Variants in PPME1 observed in about 807,000 individuals in gnomAD.
PPME1 encodes protein phosphatase methylesterase 1, also known as testicular secretory protein Li 39.
Under a neutral mutation model 56.9 loss-of-function variants are expected in PPME1, and 17 were observed. The ratio of observed to expected loss-of-function variants is 0.30; its 90% confidence interval spans 0.20 to 0.45. The LOEUF is 0.45. PPME1 is among the 20% of genes least tolerant of loss of function. PPME1 has a pLI of 1.00. For synonymous variants in PPME1, 122 were observed against 156.2 expected, an observed-to-expected ratio of 0.78 and a Z score of 1.63; for missense variants, 357 against 483.2, an observed-to-expected ratio of 0.74 and a Z score of 2.45.
chr11:74,241,670 G>T (rs1289232436), intron 9 of PPME1, among the ~76,000 whole-genome samples: 1 of 152,074 alleles, frequency 6.6e-6, no homozygotes, highest in East Asian at 1.9e-4. Context: ...CTCTCTTTTT[G>T]ATTATAGCCA....
chr11:74,227,041 T>C (rs1858949340), intron 5 of PPME1, among the ~76,000 whole-genome samples: 2 of 152,104 alleles, frequency 1.3e-5, no homozygotes. Flanking sequence ...TTCTGCCCTC[T>C]AGGGTATAGG....
chr11:74,248,143 C>T (rs1859555388), intron 11 of PPME1: 1 of 152,400 alleles, frequency 6.6e-6, no homozygotes, highest in Admixed American at 6.5e-5. Flanking sequence ...TTTGTGGGGG[C>T]TCTTGCTTTA....
At position 74,203,642 on chromosome 11, in the gene PPME1, C is replaced by T. The variant is rs945440489; in HGVS notation, c.102-86C>T. On this transcript the variant is annotated intron_variant, in intron 1 of 13. Transcript: ENST00000328257. Reference sequence around the variant, plus strand: ...GAAAATACCTTTGCTGTTTTCATTACTGACTTACATTTAGCATTTATTGAC... The same window carrying T: ...GAAAATACCTTTGCTGTTTTCATTATTGACTTACATTTAGCATTTATTGAC... 16 of 916,370 alleles carry T rather than the reference C, an allele frequency of 1.7e-5. No homozygotes were observed. In the East Asian group the frequency reaches 4.0e-4, roughly 23 times the overall value. 56.8% of individuals were successfully genotyped at this position (916,370 alleles called of 1,614,324 possible). A position where few individuals can be genotyped will look rare whatever the true frequency, so the allele number is the denominator to read the frequency against.
rs887759096 is a variant in PPME1 at position 74,218,384 on chromosome 11, C to A, written c.289-3928C>A. Among the ~76,000 whole-genome samples the A allele has an allele frequency of 1.3e-4, 20 of 151,944 alleles. No individual in the cohort carries two copies. In the South Asian group the frequency reaches 1.9e-3, roughly 14 times the overall value. On this transcript the variant is annotated intron_variant, in intron 3 of 13. Transcript: ENST00000328257. ...TATCAAAAATACCAATGATATTCTTCAAAAAAATGGAACAATTGTGAAATT... is the reference window on the plus strand; with the variant it reads ...TATCAAAAATACCAATGATATTCTTAAAAAAAATGGAACAATTGTGAAATT...
chr11:74,236,179 TC>T (rs1859186851), intron 8 of PPME1, among the ~76,000 whole-genome samples: 2 of 152,202 alleles, frequency 1.3e-5, no homozygotes, highest in South Asian at 4.1e-4. Context: ...TTCTTTTTTT[TC>T]CTCCTCATTT....
intron 1 of PPME1, among the ~76,000 whole-genome samples, chr11:74,202,955 A>G (rs944395466): frequency 6.6e-6 from 1 of 152,144 alleles, no homozygotes; most frequent in African/African-American, 2.4e-5. Context: ...TTCATCTTGG[A>G]GTTATATATA....
intron 1 of PPME1, among the ~76,000 whole-genome samples, chr11:74,173,988 A>G (rs759842070): frequency 6.6e-6 from 1 of 152,182 alleles, no homozygotes; most frequent in Non-Finnish European, 1.5e-5. Context: ...GTGGTCCTCA[A>G]ATGGCTTATT....
At chr11:74,233,285 G>C (rs1859114545) in intron 7 of PPME1, among the ~76,000 whole-genome samples, 1 of 152,130 alleles carries the variant, frequency 6.6e-6, no homozygotes, top group Admixed American at 6.5e-5. Flanking sequence ...TAAATGTTAA[G>C]ATGTTCTGGG....
chr11:74,198,040 ATTTAT>A (rs1387471805), intron 1 of PPME1, among the ~76,000 whole-genome samples: 1 of 152,150 alleles, frequency 6.6e-6, no homozygotes, highest in African/African-American at 2.4e-5. Context: ...GAAATTATTT[ATTTAT>A]TTTGTTAGGT....
chr11:74,210,078 G>A (rs1294082657), intron 3 of PPME1, among the ~76,000 whole-genome samples: 1 of 152,060 alleles, frequency 6.6e-6, no homozygotes, highest in Non-Finnish European at 1.5e-5. Context: ...ACATACATAC[G>A]TAAATATTCA....
chr11:74,181,367 C>T (rs1857532857), intron 1 of PPME1, among the ~76,000 whole-genome samples: 1 of 152,096 alleles, frequency 6.6e-6, no homozygotes, highest in Non-Finnish European at 1.5e-5. Context: ...AACTCCTATC[C>T]ATCTTTAAAA....
intron 9 of PPME1, 49 bp from the exon 10 acceptor site, chr11:74,246,027 C>T (rs556287082): frequency 2.6e-6 from 4 of 1,544,348 alleles, no homozygotes; most frequent in South Asian, 1.2e-5. Flanking sequence ...TAATCCTGTT[C>T]CTCCAGGGGT....
intron 1 of PPME1, among the ~76,000 whole-genome samples, chr11:74,187,844 A>G (rs1189940205): frequency 1.3e-5 from 2 of 152,342 alleles, no homozygotes; most frequent in East Asian, 3.9e-4. Flanking sequence ...TAAGGTTGCA[A>G]ATGGAATTAA....
At chr11:74,210,448 A>G (rs1858441919) in intron 3 of PPME1, among the ~76,000 whole-genome samples, 2 of 152,178 alleles carry the variant, frequency 1.3e-5, no homozygotes, top group African/African-American at 4.8e-5. Context: ...TGTTTTGGAT[A>G]TTTGGCCACT....
intron 3 of PPME1, among the ~76,000 whole-genome samples, chr11:74,210,545 A>G (rs553893077): frequency 1.3e-5 from 2 of 152,288 alleles, no homozygotes; most frequent in East Asian, 1.9e-4. Context: ...TCCTTCATGA[A>G]TGGCTTGGTG....
At chr11:74,172,569 T>C (rs187316452) in intron 1 of PPME1, among the ~76,000 whole-genome samples, 10 of 152,248 alleles carry the variant, frequency 6.6e-5, no homozygotes, top group African/African-American at 2.4e-4. Flanking sequence ...GAGATAGGTT[T>C]TGGAATTTTA....
chr11:74,239,073 TC>T (rs1218682309), intron 8 of PPME1, 59 bp from the exon 9 acceptor site: 16 of 1,503,306 alleles, frequency 1.1e-5, no homozygotes, highest in Non-Finnish European at 1.5e-5. Flanking sequence ...TATGAGTATC[TC>T]TGAGATAATT....
intron 3 of PPME1, among the ~76,000 whole-genome samples, chr11:74,221,928 A>G (rs1046368464): frequency 2.0e-5 from 3 of 152,302 alleles, no homozygotes; most frequent in Non-Finnish European, 2.9e-5. Context: ...GCCAAGATAT[A>G]AACTGACTCA....
Position 74,247,128 on chromosome 11 carries a change from GT to G in PPME1, c.1009+7del. 1 of 1,608,856 alleles carries G rather than the reference GT, an allele frequency of 6.2e-7. No homozygotes were observed. The highest frequency in any genetic ancestry group is 2.2e-5 in the East Asian group (1 of 44,826). ...TGACCATTGGCCAGATGCAAGGTAAGTTATCAAGAAATTATACCCCTGGACC... is the reference window on the plus strand; with the variant it reads ...TGACCATTGGCCAGATGCAAGGTAAGTATCAAGAAATTATACCCCTGGACC... On this transcript the variant is annotated splice_donor_region_variant and intron_variant, in intron 11 of 13. Transcript: ENST00000328257.
Sources: allele counts gnomAD v4.1 joint callset (sites outside exome capture counted in the v4.1 genomes callset), GRCh38; gene constraint gnomAD v4.1.1; transcripts MANE v1.5; gene names NCBI Gene and HGNC (gene_info 2026-07-23, HGNC 2026-07-21).